Variants in FAT3 observed in about 807,000 individuals in gnomAD.
The protein encoded by FAT3 is FAT atypical cadherin 3, also known as protocadherin Fat 3.
A neutral mutation model predicts 310.2 loss-of-function variants in FAT3; 95 were observed. The observed-to-expected ratio is 0.31, with a 90% CI of 0.26 to 0.36. The LOEUF (loss-of-function observed/expected upper bound fraction) is 0.36. Ranked by LOEUF, FAT3 falls within the 10% of genes least tolerant of loss-of-function variation. The pLI is 1.00. For synonymous variants in FAT3, 2,314 were observed against 2,192.9 expected (o/e 1.06, Z -1.54); for missense variants, 5,408 against 5,715.6 (o/e 0.95, Z 1.74).
intron 4 of FAT3, among the ~76,000 whole-genome samples, chr11:92,710,576 C>T (rs1404123881): frequency 1.3e-5 from 2 of 152,198 alleles, no homozygotes; most frequent in African/African-American, 2.4e-5. Context: ...TGTTTGGTAT[C>T]AGCCAGAACA....
chr11:92,442,115 T>TC (rs1951088800), intron 2 of FAT3, among the ~76,000 whole-genome samples: 7 of 93,656 alleles, frequency 7.5e-5, no homozygotes, highest in African/African-American at 3.0e-4. Context: ...ATATATATTT[T>TC]TTTTTTTTTT....
chr11:92,645,296 G>A (rs1317737547), intron 3 of FAT3, among the ~76,000 whole-genome samples: 1 of 152,126 alleles, frequency 6.6e-6, no homozygotes, highest in Admixed American at 6.5e-5. Flanking sequence ...AGACCATCTG[G>A]TCCTTATCAG....
rs373903998 is a variant in FAT3, at chr11:92,844,485, G to A, written c.11118G>A (p.Glu3706=). ...AACTGGACATGCTGTTTGCGGTGGA[G>A]ATGCACAGCAGCGAGTTCTACAAGC... ...TNQLDMLFAV[E]MHSSEFYKPA... Residue 3706 remains glutamate, a synonymous_variant, in exon 19 of 28, where the codon GAG becomes GAA. Transcript: ENST00000525166. 35 of 1,613,958 alleles carry A rather than the reference G, an allele frequency of 2.2e-5. No individual in the cohort carries two copies. In the African/African-American group the frequency reaches 4.5e-4, roughly 21 times the overall value.
At chr11:92,726,092 G>A (rs528869451) in intron 4 of FAT3, among the ~76,000 whole-genome samples, 14 of 151,920 alleles carry the variant, frequency 9.2e-5, no homozygotes, top group Admixed American at 7.2e-4. Flanking sequence ...TATTAAATTA[G>A]GACATGTCCC....
At chr11:92,834,184 C>T (rs1023921514) in intron 14 of FAT3, among the ~76,000 whole-genome samples, 1 of 152,220 alleles carries the variant, frequency 6.6e-6, no homozygotes, top group African/African-American at 2.4e-5. Flanking sequence ...ACCCAGCTAG[C>T]TGCTTTCACA....
intron 3 of FAT3, among the ~76,000 whole-genome samples, chr11:92,576,825 A>T (rs1450231571): frequency 6.6e-6 from 1 of 152,188 alleles, no homozygotes; most frequent in Non-Finnish European, 1.5e-5. Flanking sequence ...GAAGAGATTA[A>T]AGCAGTATAC....
intron 2 of FAT3, among the ~76,000 whole-genome samples, chr11:92,453,586 A>G (rs1419882839): frequency 6.6e-6 from 1 of 152,216 alleles, no homozygotes; most frequent in African/African-American, 2.4e-5. Flanking sequence ...ATCAAATTAC[A>G]TATAAGCATA....
intron 1 of FAT3, among the ~76,000 whole-genome samples, chr11:92,292,424 A>T: frequency 6.6e-6 from 1 of 151,988 alleles, no homozygotes; most frequent in Admixed American, 6.6e-5. Context: ...GACCATGGGG[A>T]TGGGAAGTGA....
At chr11:92,733,616 A>G (rs1945252126) in intron 4 of FAT3, among the ~76,000 whole-genome samples, 1 of 152,170 alleles carries the variant, frequency 6.6e-6, no homozygotes, top group African/African-American at 2.4e-5. Flanking sequence ...TAGAGCCCAC[A>G]GCTCTATAAG....
intron 1 of FAT3, among the ~76,000 whole-genome samples, chr11:92,328,304 C>T (rs887350566): frequency 5.3e-5 from 8 of 152,188 alleles, no homozygotes; most frequent in African/African-American, 1.9e-4. Flanking sequence ...ACAAACGATG[C>T]TATACTTCAG....
At chr11:92,690,951 C>T (rs927259359) in intron 3 of FAT3, among the ~76,000 whole-genome samples, 2 of 152,144 alleles carry the variant, frequency 1.3e-5, no homozygotes, top group African/African-American at 4.8e-5. Context: ...TACTTTCCTC[C>T]TTTTGAGAAA....
chr11:92,442,211 T>C (rs1036614157), intron 2 of FAT3, among the ~76,000 whole-genome samples: 10 of 146,148 alleles, frequency 6.8e-5, no homozygotes, highest in African/African-American at 2.5e-4. Context: ...CCTTCTGGGT[T>C]CACACCATTT....
intron 3 of FAT3, among the ~76,000 whole-genome samples, chr11:92,619,045 C>G (rs539033): frequency 2.0e-5 from 3 of 151,852 alleles, no homozygotes; most frequent in African/African-American, 7.2e-5. Flanking sequence ...TGTTTTAATC[C>G]TGAAAGGGTT....
intron 5 of FAT3, among the ~76,000 whole-genome samples, chr11:92,763,323 C>G (rs1001168393): frequency 2.6e-5 from 4 of 152,184 alleles, no homozygotes; most frequent in Admixed American, 6.5e-5. Context: ...GTGTCCAGAA[C>G]AGTGGGCAGA....
intron 21 of FAT3, among the ~76,000 whole-genome samples, chr11:92,861,466 A>G (rs1949121880): frequency 6.6e-6 from 1 of 152,214 alleles, no homozygotes. Flanking sequence ...CCTAAGGTAT[A>G]TTGCATTTCA....
Position 92,354,590 on chromosome 11 carries a change from C to G in FAT3, c.2478C>G (p.Asp826Glu). Residue 826 changes from aspartate to glutamate, a missense_variant, in exon 2 of 28, where the codon GAC (aspartate) becomes GAG (glutamate). Physicochemically the swap from Asp to Glu is conservative, Grantham distance 45 (BLOSUM62 2). Coordinates refer to ENST00000525166, the MANE Select transcript of FAT3 (RefSeq NM_001367949.2). Reference protein sequence around the residue: ...LLTINVEDANDNSPVFIQDSY... With the variant: ...LLTINVEDANENSPVFIQDSY... ...CCATCAATGTGGAGGATGCTAATGA[C>G]AATAGCCCAGTTTTTATTCAAGACA... 1 of 1,613,760 alleles carries G rather than the reference C, an allele frequency of 6.2e-7. No homozygotes were observed. The highest frequency in any genetic ancestry group is 1.1e-5 in the South Asian group (1 of 91,074).
chr11:92,248,859 G>A (rs1221169518), intron 1 of FAT3, among the ~76,000 whole-genome samples: 1 of 152,014 alleles, frequency 6.6e-6, no homozygotes, highest in Non-Finnish European at 1.5e-5. Context: ...CTACATTAAT[G>A]ATCCAAAAAA....
intron 2 of FAT3, among the ~76,000 whole-genome samples, chr11:92,402,603 C>T (rs936952182): frequency 1.5e-4 from 23 of 151,170 alleles, no homozygotes; most frequent in African/African-American, 5.3e-4. Flanking sequence ...CATGATGATG[C>T]GTGCCTGTAG....
intron 1 of FAT3, among the ~76,000 whole-genome samples, chr11:92,303,109 G>A (rs150651023): frequency 2.0e-5 from 3 of 152,178 alleles, no homozygotes; most frequent in African/African-American, 7.2e-5. Flanking sequence ...ATGTTTGGTT[G>A]ATACAATTAA....
Sources: allele counts gnomAD v4.1 joint callset (sites outside exome capture counted in the v4.1 genomes callset), GRCh38; gene constraint gnomAD v4.1.1; transcripts MANE v1.5; gene names NCBI Gene and HGNC (gene_info 2026-07-23, HGNC 2026-07-21).